Variants in MBD5 observed in about 807,000 individuals in gnomAD.
MBD5 encodes methyl-CpG binding domain protein 5, also known as methyl-CpG-binding domain protein 5.
In MBD5, 13 loss-of-function variants were observed where a neutral mutation model predicts 117.3. The observed-to-expected ratio is 0.11, with a 90% CI of 0.07 to 0.18. The LOEUF is 0.18. Ranked by LOEUF, MBD5 falls within the 10% of genes least tolerant of loss-of-function variation. The pLI is 1.00. For missense variants in MBD5, 1,879 were observed against 2,093.8 expected (o/e 0.90, Z 2.00); for synonymous variants, 727 against 766.4 (o/e 0.95, Z 0.85).
chr2:148,039,976 T>A lies in MBD5; in HGVS notation c.-925+18292T>A, dbSNP rs141034146. 9.2e-5 allele frequency among the ~76,000 whole-genome samples: 14 copies of A among 152,232 alleles called. No individual in the cohort carries two copies. The East Asian group carries it at 2.7e-3, about 29-fold the overall frequency. On this transcript the variant is annotated intron_variant, in intron 1 of 13. Coordinates refer to ENST00000642680, the MANE Select transcript of MBD5 (RefSeq NM_001378120.1). ...TTGTCTAGTTTGATTCAAAGCACCCTACTCCATTCAGCCTGGGCAAGATAG... is the reference window on the plus strand; with the variant it reads ...TTGTCTAGTTTGATTCAAAGCACCCAACTCCATTCAGCCTGGGCAAGATAG...
intron 3 of MBD5, among the ~76,000 whole-genome samples, chr2:148,240,532 G>T (rs1241740798): frequency 6.6e-6 from 1 of 152,140 alleles, no homozygotes; most frequent in Middle Eastern, 3.2e-3. Flanking sequence ...TTATAGGCAT[G>T]AGCCACTGCA....
At chr2:148,296,550 C>A in intron 3 of MBD5, 2 of 162,890 alleles carry the variant, frequency 1.2e-5, no homozygotes, top group Non-Finnish European at 2.7e-5. Context: ...CAAAAGTGCC[C>A]ATTGCAGGTA....
chr2:148,148,968 T>C (rs901086480), intron 1 of MBD5, among the ~76,000 whole-genome samples: 1 of 152,198 alleles, frequency 6.6e-6, no homozygotes, highest in Non-Finnish European at 1.5e-5. Flanking sequence ...CTTTAAGTTT[T>C]ACGGTACATG....
intron 2 of MBD5, among the ~76,000 whole-genome samples, chr2:148,200,291 T>A (rs1308653694): frequency 6.6e-6 from 1 of 152,130 alleles, no homozygotes; most frequent in Non-Finnish European, 1.5e-5. Context: ...TTTTGCAATC[T>A]AATAGAGGTA....
At chr2:148,504,349 C>A (rs1681963897) in intron 12 of MBD5, among the ~76,000 whole-genome samples, 1 of 152,214 alleles carries the variant, frequency 6.6e-6, no homozygotes, top group African/African-American at 2.4e-5. Context: ...ATTGCAAATT[C>A]ATCATTTTAT....
chr2:148,443,942 T>G (rs1298578116), intron 4 of MBD5, among the ~76,000 whole-genome samples: 8 of 151,418 alleles, frequency 5.3e-5, no homozygotes, highest in Non-Finnish European at 1.0e-4. Context: ...ACATGATGGA[T>G]ACCCCATTTA....
At position 148,130,366 on chromosome 2, in the gene MBD5, T is replaced by C. The variant is rs147098962; in HGVS notation, c.-924-48334T>C. ...AGATGCCCCTAGAGTATCATTCTTT[T>C]ATGGAATGGTACAGCAAATGATGAA... On this transcript the variant is annotated intron_variant, in intron 1 of 13. Transcript: ENST00000642680. 2.5e-3 allele frequency among the ~76,000 whole-genome samples: 379 copies of C among 152,272 alleles called. 3 individuals are homozygous for C. The highest frequency in any genetic ancestry group is 0.01 in the Middle Eastern group (3 of 294).
At chr2:148,487,260 A>C (rs969670668) in intron 10 of MBD5, among the ~76,000 whole-genome samples, 26 of 152,196 alleles carry the variant, frequency 1.7e-4, no homozygotes, top group Non-Finnish European at 2.9e-5. Flanking sequence ...TTTATGTTCA[A>C]GGGATAATAA....
chr2:148,450,374 T>G (rs1215269183), intron 4 of MBD5, among the ~76,000 whole-genome samples: 2 of 152,194 alleles, frequency 1.3e-5, no homozygotes, highest in African/African-American at 4.8e-5. Flanking sequence ...AGTTAAACCC[T>G]ATTTTAGGCT....
chr2:148,267,677 T>C (rs1700889553), intron 3 of MBD5, among the ~76,000 whole-genome samples: 1 of 152,160 alleles, frequency 6.6e-6, no homozygotes, highest in African/African-American at 2.4e-5. Flanking sequence ...TATTGTTAAA[T>C]AATACATAGT....
intron 11 of MBD5, among the ~76,000 whole-genome samples, chr2:148,498,114 T>A (rs956607572): frequency 1.3e-5 from 2 of 152,110 alleles, no homozygotes; most frequent in African/African-American, 2.4e-5. Flanking sequence ...TTTGTAGAAA[T>A]GGAATGGGGA....
At chr2:148,455,839 A>G in intron 4 of MBD5, among the ~76,000 whole-genome samples, 1 of 152,216 alleles carries the variant, frequency 6.6e-6, no homozygotes, top group Non-Finnish European at 1.5e-5. Context: ...AGACCACTGA[A>G]GAGATTTCTT....
intron 8 of MBD5, chr2:148,471,416 A>T (rs1398205659): frequency 1.3e-5 from 2 of 152,174 alleles, no homozygotes; most frequent in East Asian, 3.8e-4. Context: ...AATGACAAGG[A>T]GGAAATAAAA....
intron 1 of MBD5, among the ~76,000 whole-genome samples, chr2:148,053,056 CCTT>C (rs1190192721): frequency 6.6e-6 from 1 of 151,044 alleles, no homozygotes; most frequent in Non-Finnish European, 1.5e-5. Context: ...ATTGTTCAAG[CCTT>C]CTTTTTTCTT....
At chr2:148,123,904 C>T (rs963260137) in intron 1 of MBD5, among the ~76,000 whole-genome samples, 2 of 152,126 alleles carry the variant, frequency 1.3e-5, no homozygotes, top group African/African-American at 4.8e-5. Context: ...CAGATTACTT[C>T]GGTGGTGATG....
chr2:148,034,433 T>G (rs1346213331), intron 1 of MBD5, among the ~76,000 whole-genome samples: 1 of 152,182 alleles, frequency 6.6e-6, no homozygotes, highest in East Asian at 1.9e-4. Context: ...AAAGGCTGCT[T>G]CATCAAATAA....
chr2:148,390,011 A>G (rs1163558363), intron 4 of MBD5, among the ~76,000 whole-genome samples: 2 of 152,262 alleles, frequency 1.3e-5, no homozygotes, highest in Non-Finnish European at 2.9e-5. Context: ...CGATGTCCAG[A>G]AAAGTTTTTC....
At chr2:148,422,970 G>A (rs1705653646) in intron 4 of MBD5, among the ~76,000 whole-genome samples, 1 of 152,160 alleles carries the variant, frequency 6.6e-6, no homozygotes, top group Non-Finnish European at 1.5e-5. Flanking sequence ...ATACCTGAAA[G>A]TGACGGGGAG....
chr2:148,025,905 A>C (rs1693878464), intron 1 of MBD5: 1 of 152,146 alleles, frequency 6.6e-6, no homozygotes, highest in African/African-American at 2.4e-5. Context: ...ATGATTTGGA[A>C]TTTTCTTAGT....
Sources: allele counts gnomAD v4.1 joint callset (sites outside exome capture counted in the v4.1 genomes callset), GRCh38; gene constraint gnomAD v4.1.1; transcripts MANE v1.5; gene names NCBI Gene and HGNC (gene_info 2026-07-23, HGNC 2026-07-21).